The following AGO3 variants were observed in gnomAD, a reference collection of about 807,000 sequenced individuals.
AGO3 encodes protein argonaute-3.
AGO3 carries 16 observed loss-of-function variants against 105.5 expected under a neutral mutation model. The ratio of observed to expected loss-of-function variants is 0.15; its 90% CI spans 0.10 to 0.23. The LOEUF (loss-of-function observed/expected upper bound fraction) is 0.23, where lower values mean the gene tolerates loss of function less well. AGO3 is among the 10% of genes least tolerant of loss of function. AGO3 has a pLI of 1.00. For missense variants in AGO3, 534 were observed against 1,088.0 expected, an observed-to-expected ratio of 0.49 and a Z score of 7.16; for synonymous variants, 340 against 367.3, an observed-to-expected ratio of 0.93 and a Z score of 0.85.
chr1:35,940,636 A>G (rs1241643318), intron 1 of AGO3, among the ~76,000 whole-genome samples: 2 of 152,174 alleles, frequency 1.3e-5, no homozygotes, highest in Non-Finnish European at 2.9e-5. Context: ...TGAACTTACT[A>G]CAGTTGGGTT....
intron 2 of AGO3, among the ~76,000 whole-genome samples, chr1:35,953,055 T>C (rs1646502071): frequency 6.6e-6 from 1 of 152,242 alleles, no homozygotes; most frequent in Non-Finnish European, 1.5e-5. Context: ...TTTTCATTTA[T>C]GTTGGATATA....
chr1:36,012,993 G>A (rs998297178), intron 9 of AGO3, among the ~76,000 whole-genome samples: 1 of 151,758 alleles, frequency 6.6e-6, no homozygotes, highest in African/African-American at 2.4e-5. Flanking sequence ...CTGGAGTACA[G>A]TGGTGCAATC....
At chr1:35,973,594 A>T (rs186137370) in intron 5 of AGO3, 83 bp downstream of exon 5, 9 of 1,286,116 alleles carry the variant, frequency 7.0e-6, no homozygotes, top group Middle Eastern at 2.1e-4. Context: ...ATAATTATAC[A>T]TACTGGTGTC....
rs188484495 is a variant in AGO3, at chr1:36,059,630, G to A, written c.*3885G>A. 3 of 151,764 alleles carry A rather than the reference G, an allele frequency of 2.0e-5. No individual in the cohort carries two copies. The highest frequency in any genetic ancestry group is 1.3e-4 in the Admixed American group (2 of 15,144). The allele number at this position is 151,764 out of a possible 1,614,324, so 9.4% of individuals were successfully genotyped here. A position where few individuals can be genotyped will look rare whatever the true frequency, so the allele number is the denominator to read the frequency against. ...TTGATGGTTAATGTGTCTACATAAA[G>A]TGCTGATACATGTATTATATCACAG... On this transcript the variant is annotated 3_prime_UTR_variant, in exon 19 of 19. Transcript: ENST00000373191.
chr1:35,931,896 G>A (rs545450243), intron 1 of AGO3, among the ~76,000 whole-genome samples: 47 of 152,162 alleles, frequency 3.1e-4, no homozygotes, highest in Non-Finnish European at 6.3e-4. Flanking sequence ...GGAGGTGTTG[G>A]TGCAACGTTA....
In AGO3 at chr1:36,055,113, C is replaced by T. The variant is rs1195149650; in HGVS notation, c.2442C>T (p.Ala814=). 1 of 1,611,198 alleles carries T rather than the reference C, an allele frequency of 6.2e-7. No individual in the cohort carries two copies. Among genetic ancestry groups the T allele is most frequent in the African/African-American group, 1.3e-5 (1 of 74,988 alleles). The change falls in exon 18 of 19, where the codon GCC becomes GCT. Residue 814 remains alanine (A), a synonymous_variant. Transcript: ENST00000373191. This position sits in a 1 kb window ranked among gnomAD's most constrained non-coding sequence, Gnocchi z 4.4. Reference sequence around the variant, plus strand: ...ATGCTCACCTGGTAGCATTTAGAGCCAGATATCATCTTGTGGACAAAGAAC... The same window carrying T: ...ATGCTCACCTGGTAGCATTTAGAGCTAGATATCATCTTGTGGACAAAGAAC... ...AYYAHLVAFR[A]RYHLVDKEHD...
At chr1:36,010,033 G>C (rs1640523460) in intron 9 of AGO3, among the ~76,000 whole-genome samples, 1 of 145,532 alleles carries the variant, frequency 6.9e-6, no homozygotes, top group South Asian at 2.2e-4. Flanking sequence ...CTGCCTCCCA[G>C]GTTCACACCA....
At chr1:35,958,594 T>C (rs1646618201) in intron 2 of AGO3, among the ~76,000 whole-genome samples, 1 of 150,736 alleles carries the variant, frequency 6.6e-6, no homozygotes, top group African/African-American at 2.4e-5. Flanking sequence ...CAGAGGTTGC[T>C]GTGAGCTGAG....
chr1:35,958,016 G>A (rs541068160), intron 2 of AGO3, among the ~76,000 whole-genome samples: 1 of 152,220 alleles, frequency 6.6e-6, no homozygotes, highest in Non-Finnish European at 1.5e-5. Context: ...AGTGAGCCAT[G>A]ATTGCACCAC....
intron 11 of AGO3, among the ~76,000 whole-genome samples, chr1:36,014,668 G>A (rs892058038): frequency 2.0e-5 from 3 of 151,448 alleles, no homozygotes; most frequent in South Asian, 2.1e-4. Context: ...TTACTCGGGA[G>A]GCTGAAGCAA....
rs193092570 is a variant in AGO3, at chr1:36,058,175, A to G, written c.*2430A>G. ...TACTAAAATGAATCAGGAAAATGCA[A>G]GATGATATTTTAAAACTTTTGCTAA... On this transcript the variant is annotated 3_prime_UTR_variant, in exon 19 of 19. Coordinates refer to ENST00000373191, the MANE Select transcript of AGO3 (RefSeq NM_024852.4). 1 of 152,348 alleles carries G rather than the reference A, an allele frequency of 6.6e-6. No homozygotes were observed. The highest frequency in any genetic ancestry group is 1.9e-4 in the East Asian group (1 of 5,194). The allele number at this position is 152,348 out of a possible 1,614,324, so 9.4% of individuals were successfully genotyped here.
rs549020498 is a variant in AGO3 at position 36,069,687 on chromosome 1, T to G, written c.*13942T>G. 1.8e-4 allele frequency: 27 copies of G among 152,382 alleles called. No homozygotes were observed. Among genetic ancestry groups the G allele is most frequent in the African/African-American group, 6.5e-4 (27 of 41,582 alleles). The allele number at this position is 152,382 out of a possible 1,614,324, so 9.4% of individuals were successfully genotyped here. A position where few individuals can be genotyped will look rare whatever the true frequency, so the allele number is the denominator to read the frequency against. On this transcript the variant is annotated 3_prime_UTR_variant, in exon 19 of 19. Transcript: ENST00000373191. ...TAATCCTTGGCAAAAGCATAACTTT[T>G]CAAAAACCAAATGATTTTAGTGGTG...
In AGO3 at chr1:36,027,766, G is replaced by A. The variant is rs1194202565; in HGVS notation, c.1591+468G>A. Among the ~76,000 whole-genome samples, 2 of 143,428 alleles carry A rather than the reference G, an allele frequency of 1.4e-5. No homozygotes were observed. Among genetic ancestry groups the A allele is most frequent in the East Asian group, 2.0e-4 (1 of 4,910 alleles). 94.1% of individuals were successfully genotyped at this position (143,428 alleles called of 152,430 possible). ...TGCACTCCAGCCTGGGCGACAGAGC[G>A]AAAGTCCGTCTCAAAAAAAAAAAAA... is the stretch of plus-strand genomic sequence containing the variant. On this transcript the variant is annotated intron_variant, in intron 12 of 18. Transcript: ENST00000373191. The surrounding 1 kb of genome is among the most constrained non-coding windows in gnomAD (Gnocchi z 4.0).
intron 8 of AGO3, 102 bp downstream of exon 8, chr1:36,009,146 A>G (rs1569755458): frequency 7.6e-7 from 1 of 1,317,892 alleles, no homozygotes; most frequent in Non-Finnish European, 9.8e-7. Context: ...ATTTTGGAAT[A>G]TGAACTGTTT....
intron 5 of AGO3, among the ~76,000 whole-genome samples, chr1:35,991,022 G>A (rs899154306): frequency 6.6e-6 from 1 of 152,142 alleles, no homozygotes; most frequent in African/African-American, 2.4e-5. Context: ...ACAGTATAAG[G>A]CTGGGCACGG....
At chr1:35,957,168 G>A (rs1036786080) in intron 2 of AGO3, among the ~76,000 whole-genome samples, 11 of 151,610 alleles carry the variant, frequency 7.3e-5, no homozygotes, top group African/African-American at 2.7e-4. Flanking sequence ...TGGCCAACAT[G>A]GTGAAACCCC....
rs1438731791 is a variant in AGO3, at chr1:36,071,188, C to T, written c.*15443C>T. ...AACTGCTCCCACTAGATAATTGCTG[C>T]TAAAAACAAAACAAAACAAAACAAT... is the stretch of plus-strand genomic sequence containing the variant. On this transcript the variant is annotated 3_prime_UTR_variant, in exon 19 of 19. Transcript: ENST00000373191. 6 of 151,850 alleles carry T rather than the reference C, an allele frequency of 4.0e-5. No homozygotes were observed. Among genetic ancestry groups the T allele is most frequent in the African/African-American group, 1.5e-4 (6 of 41,316 alleles). 9.4% of individuals were successfully genotyped at this position (151,850 alleles called of 1,614,324 possible). A position where few individuals can be genotyped will look rare whatever the true frequency, so the allele number is the denominator to read the frequency against.
Position 36,055,744 on chromosome 1 carries a change from A to G in AGO3, c.2582A>G (p.Ter861=). 1 of 1,613,842 alleles carries G rather than the reference A, an allele frequency of 6.2e-7. No individual in the cohort carries two copies. Among genetic ancestry groups the G allele is most frequent in the Non-Finnish European group, 8.5e-7 (1 of 1,179,744 alleles). ...QDTLRTMYFA[*] ...ACCTTACGCACAATGTACTTCGCTTAAATAGTCCAAGTATATTCTCTGAGA... is the reference window on the plus strand; with the variant it reads ...ACCTTACGCACAATGTACTTCGCTTGAATAGTCCAAGTATATTCTCTGAGA... Residue 861 remains the stop codon, a stop_retained_variant, in exon 19 of 19, where the codon TAA becomes TGA. Coordinates refer to ENST00000373191, the MANE Select transcript of AGO3 (RefSeq NM_024852.4). This position sits in a 1 kb window ranked among gnomAD's most constrained non-coding sequence, Gnocchi z 4.4.
rs374204141 is a variant in AGO3 at position 36,016,390 on chromosome 1, C to T, written c.1406+2342C>T. ...AGAGATGGGGTTTCACTCTGTTGGC[C>T]AGGCTGGTCTCAAACTCCTGACCTG... On this transcript the variant is annotated intron_variant, in intron 11 of 18. Transcript: ENST00000373191. 1.1e-4 allele frequency among the ~76,000 whole-genome samples: 17 copies of T among 152,228 alleles called. No individual in the cohort carries two copies. In the East Asian group the frequency reaches 1.5e-3, roughly 14 times the overall value.
Sources: allele counts gnomAD v4.1 joint callset (sites outside exome capture counted in the v4.1 genomes callset), GRCh38; gene constraint gnomAD v4.1.1; non-coding constraint Gnocchi (gnomAD v3.1); transcripts MANE v1.5; gene names NCBI Gene and HGNC (gene_info 2026-07-23, HGNC 2026-07-21).